SLC45A4: variants seen among roughly 807,000 people sequenced by gnomAD.
The protein encoded by SLC45A4 is polyamine-transporter SLC45A4.
In SLC45A4, 32 loss-of-function variants were observed where a neutral mutation model predicts 63.7. The ratio of observed to expected loss-of-function variants is 0.50; its 90% confidence interval spans 0.38 to 0.67. The LOEUF (loss-of-function observed/expected upper bound fraction) is 0.67, where lower values mean the gene tolerates loss of function less well. Ranked by LOEUF, SLC45A4 falls within the 30% of genes least tolerant of loss-of-function variation. The pLI is 0.00. For missense variants in SLC45A4, 1,027 were observed against 1,157.7 expected, an observed-to-expected ratio of 0.89 and a Z score of 1.64; for synonymous variants, 535 against 510.0, an observed-to-expected ratio of 1.05 and a Z score of -0.66.
intron 1 of SLC45A4, among the ~76,000 whole-genome samples, chr8:141,268,788 C>T (rs1829389564): frequency 6.6e-6 from 1 of 152,150 alleles, no homozygotes; most frequent in Admixed American, 6.6e-5. Context: ...CTTTCTGTGC[C>T]ACCTGCTTAC....
intron 1 of SLC45A4, among the ~76,000 whole-genome samples, chr8:141,286,366 A>G (rs1830145659): frequency 6.6e-6 from 1 of 152,142 alleles, no homozygotes; most frequent in Non-Finnish European, 1.5e-5. Context: ...ACTCAGTCCG[A>G]GAGGTGGCCT....
chr8:141,248,511 A>AG (rs1210033721), intron 2 of SLC45A4, among the ~76,000 whole-genome samples: 6 of 152,132 alleles, frequency 3.9e-5, no homozygotes, highest in Non-Finnish European at 8.8e-5. Flanking sequence ...TTGAGGCTGC[A>AG]GAGAGCTGTG....
intron 1 of SLC45A4, among the ~76,000 whole-genome samples, chr8:141,301,095 T>G (rs1260029364): frequency 6.6e-6 from 1 of 152,034 alleles, no homozygotes; most frequent in African/African-American, 2.4e-5. Context: ...AAAGTCCCGG[T>G]GCCCAGGGAG....
At chr8:141,264,301 C>A (rs1829169726) in intron 1 of SLC45A4, among the ~76,000 whole-genome samples, 1 of 152,162 alleles carries the variant, frequency 6.6e-6, no homozygotes, top group Admixed American at 6.5e-5. Context: ...TGAGAGTCCA[C>A]CGCCAGCCCT....
chr8:141,222,762 G>A (rs1032554484), intron 2 of SLC45A4, among the ~76,000 whole-genome samples: 2 of 152,238 alleles, frequency 1.3e-5, no homozygotes, highest in African/African-American at 4.8e-5. Flanking sequence ...GACGCCTGTC[G>A]TGTGATGTCC....
intron 1 of SLC45A4, among the ~76,000 whole-genome samples, chr8:141,297,550 C>T (rs1830601637): frequency 6.6e-6 from 1 of 152,232 alleles, no homozygotes; most frequent in African/African-American, 2.4e-5. Flanking sequence ...AATCAAAAAC[C>T]TATCTGAACT....
chr8:141,253,884 G>A (rs1190245639), intron 2 of SLC45A4, 105 bp downstream of exon 2: 1 of 1,464,966 alleles, frequency 6.8e-7, no homozygotes, highest in Non-Finnish European at 9.1e-7. Flanking sequence ...AGTGCCCGGG[G>A]CTCTCCAGGA....
At chr8:141,267,621 G>A (rs909681191) in intron 1 of SLC45A4, among the ~76,000 whole-genome samples, 12 of 152,176 alleles carry the variant, frequency 7.9e-5, no homozygotes, top group Non-Finnish European at 5.9e-5. Context: ...AAGAACAAGA[G>A]CCAATAAATG....
chr8:141,279,844 T>C lies in SLC45A4; in HGVS notation c.-400-25215A>G, dbSNP rs147452640. Reference sequence around the variant, plus strand: ...TGTAAACAGTGCCTCAGTTTATCAATGTAACAATAACTCTTTCAAAGATTA... The same window carrying C: ...TGTAAACAGTGCCTCAGTTTATCAACGTAACAATAACTCTTTCAAAGATTA... On this transcript the variant is annotated intron_variant, in intron 1 of 8. Coordinates refer to ENST00000517878, the MANE Select transcript of SLC45A4 (RefSeq NM_001286646.2). Among the ~76,000 whole-genome samples, 767 of 152,366 alleles carry C rather than the reference T, an allele frequency of 5.0e-3. 3 individuals are homozygous for C. Among genetic ancestry groups the C allele is most frequent in the African/African-American group, 0.017 (715 of 41,582 alleles).
intron 1 of SLC45A4, among the ~76,000 whole-genome samples, chr8:141,283,605 G>C (rs1275612870): frequency 6.6e-6 from 1 of 152,220 alleles, no homozygotes; most frequent in African/African-American, 2.4e-5. Context: ...GGGCACCACC[G>C]GGCTGTGGTC....
chr8:141,218,835 G>A lies in SLC45A4; in HGVS notation c.805C>T (p.Pro269Ser). ...SPQQERSAEE[P>S]GALDGGEPHG... ...GGCTCGCCCCCATCCAGGGCGCCGG[G>A]CTCCTCAGCGCTGCGCTCCTGCTGC... The change falls in exon 5 of 9, where the codon CCC (proline) becomes TCC (serine). Residue 269 changes from proline (P) to serine (S), a missense_variant. Coordinates refer to ENST00000517878, the MANE Select transcript of SLC45A4 (RefSeq NM_001286646.2). 1 of 1,613,134 alleles carries A rather than the reference G, an allele frequency of 6.2e-7. No individual in the cohort carries two copies. The highest frequency in any genetic ancestry group is 8.5e-7 in the Non-Finnish European group (1 of 1,179,858).
At chr8:141,212,146 G>GCCCACCCA in intron 8 of SLC45A4, 51 bp downstream of exon 8, 1 of 516,542 alleles carries the variant, frequency 1.9e-6, no homozygotes. Context: ...CCGCCCGCCC[G>GCCCACCCA]CCCGCCCACC....
At chr8:141,253,166 TGTTTTCATGCCCACCTGCGG>T (rs1828597711) in intron 2 of SLC45A4, 1 of 126,250 alleles carries the variant, frequency 7.9e-6, no homozygotes, top group African/African-American at 2.7e-5. Flanking sequence ...TGAATTTCCG[TGTTTTCATGCCCACCTGCGG>T]GTCTGTGAAT....
chr8:141,294,923 A>G (rs1401772879), intron 1 of SLC45A4, among the ~76,000 whole-genome samples: 2 of 152,166 alleles, frequency 1.3e-5, no homozygotes, highest in Admixed American at 6.5e-5. Flanking sequence ...CCTCAGCTCG[A>G]AGGTGAGGAA....
At chr8:141,257,293 G>C (rs1044863807) in intron 1 of SLC45A4, among the ~76,000 whole-genome samples, 3 of 152,180 alleles carry the variant, frequency 2.0e-5, no homozygotes, top group African/African-American at 7.2e-5. Context: ...GATTTTCCCT[G>C]TTTTCAGTCT....
chr8:141,237,706 G>C (rs910547948), intron 2 of SLC45A4, among the ~76,000 whole-genome samples: 9 of 152,026 alleles, frequency 5.9e-5, no homozygotes, highest in African/African-American at 2.2e-4. Flanking sequence ...TCCCTGGAGC[G>C]AGTGCTCAGC....
chr8:141,221,576 C>G lies in SLC45A4; in HGVS notation c.430+1G>C, dbSNP rs1285483301. ...ACACCAGGTGTGGCCGAGAAACTTA[C>G]CGATGGCAGAGCCGTTAAGGAAAAG... is the stretch of plus-strand genomic sequence containing the variant. On this transcript the variant is annotated splice_donor_variant, in intron 3 of 8. Transcript: ENST00000517878. LOFTEE classifies it high-confidence loss of function. 1 of 1,611,188 alleles carries G rather than the reference C, an allele frequency of 6.2e-7. No individual in the cohort carries two copies. The highest frequency in any genetic ancestry group is 1.1e-5 in the South Asian group (1 of 90,932).
chr8:141,265,032 C>T (rs1331791490), intron 1 of SLC45A4, among the ~76,000 whole-genome samples: 2 of 152,100 alleles, frequency 1.3e-5, no homozygotes, highest in South Asian at 2.1e-4. Context: ...GTTGTCTGAG[C>T]GAGAATGGAC....
intron 2 of SLC45A4, among the ~76,000 whole-genome samples, chr8:141,248,216 T>C (rs1390966799): frequency 6.6e-6 from 1 of 152,160 alleles, no homozygotes; most frequent in Non-Finnish European, 1.5e-5. Flanking sequence ...AAAGAACATA[T>C]TTGATACACC....
Sources: allele counts gnomAD v4.1 joint callset (sites outside exome capture counted in the v4.1 genomes callset), GRCh38; gene constraint gnomAD v4.1.1; transcripts MANE v1.5; gene names NCBI Gene and HGNC (gene_info 2026-07-23, HGNC 2026-07-21).